Variants in PRH1 observed in about 807,000 individuals in gnomAD.
PRH1 encodes salivary acidic proline-rich phosphoprotein 1/2.
PRH1 carries 7 observed loss-of-function variants against 7.9 expected under a neutral mutation model. That is an observed-to-expected ratio of 0.89 (90% CI 0.50 to 1.67). PRH1 has a LOEUF of 1.67. Ranked by LOEUF, PRH1 falls within the 40% of genes most tolerant of loss-of-function variation. PRH1 has a pLI of 0.00. For synonymous variants in PRH1, 45 were observed against 80.8 expected (o/e 0.56, Z 2.38); for missense variants, 109 against 223.6 (o/e 0.49, Z 3.27).
At chr12:11,007,915 G>A (rs1940901299) in intron 1 of PRH1, among the ~76,000 whole-genome samples, 2 of 152,104 alleles carry the variant, frequency 1.3e-5, no homozygotes, top group African/African-American at 4.8e-5. Flanking sequence ...CTAAAGACAT[G>A]TGAGATATAA....
chr12:10,897,657 G>A (rs575328688), intron 2 of PRH1, among the ~76,000 whole-genome samples: 1 of 152,300 alleles, frequency 6.6e-6, no homozygotes, highest in South Asian at 2.1e-4. Flanking sequence ...ATGGCGGAAG[G>A]CAATGGGGAA....
intron 2 of PRH1, chr12:10,909,219 AT>A (rs773002052): frequency 6.2e-7 from 1 of 1,613,752 alleles, no homozygotes; most frequent in Admixed American, 1.7e-5. Flanking sequence ...GATCAGTACT[AT>A]AAATCCATTG....
intron 1 of PRH1, among the ~76,000 whole-genome samples, chr12:11,081,698 A>T (rs1464313667): frequency 3.8e-4 from 40 of 104,162 alleles, no homozygotes; most frequent in Admixed American, 4.9e-4. Context: ...ATATTTCACC[A>T]ACCACAGCTA....
At chr12:10,891,526 T>C (rs568882875) in intron 2 of PRH1, 44 of 152,346 alleles carry the variant, frequency 2.9e-4, no homozygotes, top group African/African-American at 1.0e-3. Flanking sequence ...CCAGTTCCCA[T>C]GGACTTTCAG....
intron 1 of PRH1, among the ~76,000 whole-genome samples, chr12:11,024,888 T>C (rs931080875): frequency 3.3e-5 from 5 of 152,238 alleles, no homozygotes; most frequent in African/African-American, 1.2e-4. Flanking sequence ...TTTATTCCTG[T>C]TACCTTTATC....
chr12:10,930,663 T>C (rs1219262673), intron 2 of PRH1: 3 of 1,613,682 alleles, frequency 1.9e-6, no homozygotes, highest in African/African-American at 1.3e-5. Flanking sequence ...CTCACACAGA[T>C]GGAGGAGACT....
chr12:11,033,123 G>A (rs1436958255), intron 1 of PRH1, among the ~76,000 whole-genome samples: 5 of 152,046 alleles, frequency 3.3e-5, no homozygotes, highest in East Asian at 1.9e-4. Context: ...CAGGCCCAGC[G>A]CAGGCGAGGT....
chr12:11,076,948 T>C (rs1591964142), intron 1 of PRH1: 1 of 115,570 alleles, frequency 8.7e-6, no homozygotes, highest in East Asian at 2.1e-4. Flanking sequence ...CCAATGATAG[T>C]TAAGTACATA....
intron 1 of PRH1, among the ~76,000 whole-genome samples, chr12:11,168,256 GAAAGAAAGAAAGAAAGAAAGAAAGAAA>G (rs1947658175): frequency 3.3e-5 from 1 of 30,314 alleles, no homozygotes; most frequent in African/African-American, 1.0e-4. Flanking sequence ...AAGAAAGAAA[GAAAGAAAGAAAGAAAGAAAGAAAGAAA>G]GAAAGAAAGA....
Position 10,930,209 on chromosome 12 carries a change from C to T in PRH1, c.-59+43446G>A. The T allele has an allele frequency of 1.9e-6, 3 of 1,568,416 alleles. No homozygotes were observed. The South Asian group carries it at 3.3e-5, about 17-fold the overall frequency. On this transcript the variant is annotated intron_variant, in intron 2 of 3. Coordinates refer to the PRH1 transcript ENST00000539853. ...AGAGGTCCTTTATCCTCGTAGAACA[C>T]TATGAGCTCTGAATGATTCATGCAG...
chr12:11,031,754 T>C (rs1475923267), intron 1 of PRH1, among the ~76,000 whole-genome samples: 1 of 152,214 alleles, frequency 6.6e-6, no homozygotes, highest in Non-Finnish European at 1.5e-5. Flanking sequence ...AGAGCGCTGA[T>C]TGCTGTGGTT....
intron 1 of PRH1, among the ~76,000 whole-genome samples, chr12:11,063,276 T>TG (rs2136186701): frequency 6.6e-6 from 1 of 152,256 alleles, no homozygotes; most frequent in African/African-American, 2.4e-5. Flanking sequence ...CCCCTGAACT[T>TG]GGAGTACAAC....
chr12:11,024,227 T>G (rs917551149), intron 1 of PRH1, among the ~76,000 whole-genome samples: 1 of 152,158 alleles, frequency 6.6e-6, no homozygotes, highest in South Asian at 2.1e-4. Flanking sequence ...TTCTCCTAAT[T>G]AATAATTTTT....
intron 1 of PRH1, chr12:10,997,883 CA>C (rs1180752438): frequency 1.3e-6 from 2 of 1,555,728 alleles, no homozygotes; most frequent in South Asian, 1.2e-5. Flanking sequence ...CATGTCTAAA[CA>C]AAAAAGCAAG....
intron 1 of PRH1, among the ~76,000 whole-genome samples, chr12:11,058,861 C>T (rs1482749636): frequency 3.2e-4 from 48 of 152,196 alleles, no homozygotes; most frequent in Admixed American, 3.1e-3. Flanking sequence ...GACTGGAGGG[C>T]ATGAGTACAT....
intron 1 of PRH1, among the ~76,000 whole-genome samples, chr12:11,035,692 G>T (rs1271922236): frequency 6.6e-6 from 1 of 152,158 alleles, no homozygotes; most frequent in Non-Finnish European, 1.5e-5. Context: ...CAACTTAGAA[G>T]AAACTGGAAA....
At chr12:10,964,776 A>T in intron 2 of PRH1, 1 of 626,236 alleles carries the variant, frequency 1.6e-6, no homozygotes, top group Non-Finnish European at 2.9e-6. Flanking sequence ...AGAAAAGATA[A>T]CAGGGACAGA....
At chr12:10,912,417 A>C (rs536165343) in intron 2 of PRH1, among the ~76,000 whole-genome samples, 1 of 152,104 alleles carries the variant, frequency 6.6e-6, no homozygotes, top group South Asian at 2.1e-4. Context: ...CATCTTATTA[A>C]ATTTTTAATA....
intron 2 of PRH1, chr12:10,938,662 G>A: frequency 2.5e-6 from 4 of 1,613,906 alleles, no homozygotes; most frequent in Non-Finnish European, 3.4e-6. Flanking sequence ...ACACAGTGCT[G>A]GTTAATACAA....
Sources: allele counts gnomAD v4.1 joint callset (sites outside exome capture counted in the v4.1 genomes callset), GRCh38; gene constraint gnomAD v4.1.1; transcripts MANE v1.5; gene names NCBI Gene and HGNC (gene_info 2026-07-23, HGNC 2026-07-21).